SDK2: variants seen among roughly 807,000 people sequenced by gnomAD.
SDK2 encodes the protein sidekick cell adhesion molecule 2.
Under a neutral mutation model 253.9 loss-of-function variants are expected in SDK2, and 105 were observed. That is an observed-to-expected ratio of 0.41 (90% CI 0.35 to 0.49). The LOEUF is 0.49. Ranked by LOEUF, SDK2 falls within the 20% of genes least tolerant of loss-of-function variation. SDK2 has a pLI of 0.06. For synonymous variants in SDK2, 1,249 were observed against 1,234.9 expected, an observed-to-expected ratio of 1.01 and a Z score of -0.24; for missense variants, 2,608 against 3,003.0, an observed-to-expected ratio of 0.87 and a Z score of 3.07.
At chr17:73,509,316 A>C (rs551810290) in intron 1 of SDK2, among the ~76,000 whole-genome samples, 1 of 152,146 alleles carries the variant, frequency 6.6e-6, no homozygotes, top group African/African-American at 2.4e-5. Flanking sequence ...CCCAGAGTAC[A>C]TGTTCTGCCA....
chr17:73,483,732 G>T (rs2063753514), intron 2 of SDK2, among the ~76,000 whole-genome samples: 2 of 127,044 alleles, frequency 1.6e-5, no homozygotes, highest in Non-Finnish European at 1.6e-5. Flanking sequence ...TAGTAGAGTT[G>T]GGGTTTCACC....
chr17:73,621,196 A>G (rs920455067), intron 1 of SDK2, among the ~76,000 whole-genome samples: 1 of 152,224 alleles, frequency 6.6e-6, no homozygotes, highest in African/African-American at 2.4e-5. Flanking sequence ...AACTATATGT[A>G]CTCAGGGCAG....
At chr17:73,446,972 A>T (rs770889634) in intron 5 of SDK2, among the ~76,000 whole-genome samples, 1 of 152,170 alleles carries the variant, frequency 6.6e-6, no homozygotes, top group Non-Finnish European at 1.5e-5. Flanking sequence ...TCGGCTGGAC[A>T]AGCGTCTCTT....
intron 18 of SDK2, among the ~76,000 whole-genome samples, chr17:73,411,950 T>C (rs1460056524): frequency 8.7e-6 from 1 of 114,850 alleles, no homozygotes; most frequent in Non-Finnish European, 1.7e-5. Context: ...TTTTGTGTGT[T>C]TGTGTATATA....
At chr17:73,385,037 C>CT (rs900462104) in intron 32 of SDK2, among the ~76,000 whole-genome samples, 3 of 152,214 alleles carry the variant, frequency 2.0e-5, no homozygotes, top group Non-Finnish European at 4.4e-5. Context: ...GGGGACCCTC[C>CT]TGGCTTTGTC....
chr17:73,362,354 CTG>C (rs767979099), intron 38 of SDK2, among the ~76,000 whole-genome samples: 5 of 151,872 alleles, frequency 3.3e-5, no homozygotes, highest in Non-Finnish European at 7.4e-5. Flanking sequence ...AGCTCCACCT[CTG>C]GGGTTCAGCC....
At chr17:73,545,361 G>T (rs1266488883) in intron 1 of SDK2, among the ~76,000 whole-genome samples, 1 of 152,064 alleles carries the variant, frequency 6.6e-6, no homozygotes. Context: ...GGACCCTGTG[G>T]AGAGTGATTG....
intron 1 of SDK2, among the ~76,000 whole-genome samples, chr17:73,608,752 C>T (rs1431703722): frequency 2.0e-5 from 3 of 152,070 alleles, no homozygotes; most frequent in Non-Finnish European, 4.4e-5. Context: ...CTAAAATTTC[C>T]CTTTTTGTAT....
intron 2 of SDK2, among the ~76,000 whole-genome samples, chr17:73,480,669 AG>A (rs1458321072): frequency 9.2e-5 from 14 of 152,178 alleles, no homozygotes; most frequent in Admixed American, 8.5e-4. Context: ...AGAGACAGAG[AG>A]ATCTAGGGAG....
chr17:73,387,946 C>A lies in SDK2; in HGVS notation c.4284G>T (p.Gly1428=), dbSNP rs1369934430. 3.8e-6 allele frequency: 6 copies of A among 1,578,074 alleles called. No homozygotes were observed. In the East Asian group the frequency reaches 1.4e-4, roughly 37 times the overall value. The change falls in exon 30 of 45, where the codon GGG becomes GGT. Residue 1428 remains glycine (G), a synonymous_variant. Coordinates refer to ENST00000392650, the MANE Select transcript of SDK2 (RefSeq NM_001144952.2). ...VLLSWEPGSD[G]LSPVRYYTIQ... ...TGGTGTAGTAGCGCACAGGGGAGAG[C>A]CCGTCGCTCCCTGGCTCCCAGGACA...
At chr17:73,482,628 C>T (rs1255774010) in intron 2 of SDK2, among the ~76,000 whole-genome samples, 1 of 152,238 alleles carries the variant, frequency 6.6e-6, no homozygotes, top group Non-Finnish European at 1.5e-5. Context: ...CTGGGACCTT[C>T]TGGGCCAATT....
intron 44 of SDK2, among the ~76,000 whole-genome samples, chr17:73,347,824 T>C (rs1473221162): frequency 2.0e-5 from 3 of 152,200 alleles, no homozygotes; most frequent in Admixed American, 2.0e-4. Flanking sequence ...ACCCACCTAA[T>C]GGCCGCTCTC....
intron 12 of SDK2, among the ~76,000 whole-genome samples, chr17:73,426,116 C>T (rs1056062952): frequency 1.3e-4 from 20 of 150,712 alleles, no homozygotes; most frequent in East Asian, 3.9e-4. Flanking sequence ...GCGATCTTGG[C>T]TCACTGCAAC....
chr17:73,533,053 T>C (rs1342511941), intron 1 of SDK2, among the ~76,000 whole-genome samples: 1 of 152,218 alleles, frequency 6.6e-6, no homozygotes, highest in East Asian at 1.9e-4. Context: ...TGGATGCCCA[T>C]CTTGCTCCTG....
chr17:73,362,800 T>G (rs1308127212), intron 38 of SDK2, among the ~76,000 whole-genome samples: 1 of 152,224 alleles, frequency 6.6e-6, no homozygotes. Context: ...ACTCTGTGCT[T>G]CGCGAATCCA....
rs1409850515 is a variant in SDK2 at position 73,616,570 on chromosome 17, T to A, written c.64+27455A>T. On this transcript the variant is annotated intron_variant, in intron 1 of 44. Coordinates refer to ENST00000392650, the MANE Select transcript of SDK2 (RefSeq NM_001144952.2). This position sits in a 1 kb window ranked among gnomAD's most constrained non-coding sequence, Gnocchi z 5.2. ...ACCACGTGGCAGCAGATCCTTTTTC[T>A]GGAGTAATGGAATCTTAGTCCTGGG... Among the ~76,000 whole-genome samples the A allele has an allele frequency of 6.6e-6, 1 of 152,202 alleles. No homozygotes were observed. Among genetic ancestry groups the A allele is most frequent in the Non-Finnish European group, 1.5e-5 (1 of 68,038 alleles).
At chr17:73,404,797 G>A (rs548815907) in intron 18 of SDK2, among the ~76,000 whole-genome samples, 2 of 152,304 alleles carry the variant, frequency 1.3e-5, no homozygotes, top group African/African-American at 4.8e-5. Flanking sequence ...GTGTTCTGGG[G>A]AACGAGCATT....
At chr17:73,514,844 G>A (rs1176628542) in intron 1 of SDK2, among the ~76,000 whole-genome samples, 5 of 152,126 alleles carry the variant, frequency 3.3e-5, no homozygotes, top group Admixed American at 2.0e-4. Flanking sequence ...CCCCACCACC[G>A]TGTCCTGGAC....
At chr17:73,418,706 A>G (rs1478078026) in intron 16 of SDK2, among the ~76,000 whole-genome samples, 2 of 152,174 alleles carry the variant, frequency 1.3e-5, no homozygotes, top group Admixed American at 6.5e-5. Context: ...CCCTCAGTCA[A>G]ATGCAAAGAT....
Sources: gnomAD v4.1 joint callset for allele counts (sites outside exome capture counted in the v4.1 genomes callset) on GRCh38, gnomAD v4.1.1 for gene constraint, Gnocchi (gnomAD v3.1) non-coding constraint, MANE v1.5 for transcripts, NCBI Gene and HGNC (gene_info 2026-07-23, HGNC 2026-07-21) for gene names.